MDGA2: variants seen among roughly 807,000 people sequenced by gnomAD.
MDGA2 encodes MAM domain containing glycosylphosphatidylinositol anchor 2.
Under a neutral mutation model 117.8 loss-of-function variants are expected in MDGA2, and 40 were observed. The ratio of observed to expected loss-of-function variants is 0.34; its 90% CI spans 0.26 to 0.44. The LOEUF (loss-of-function observed/expected upper bound fraction) is 0.44, where lower values mean the gene tolerates loss of function less well. MDGA2 is among the 20% of genes least tolerant of loss of function. MDGA2 has a pLI of 1.00. For missense variants in MDGA2, 1,123 were observed against 1,250.6 expected (o/e 0.90, Z 1.54); for synonymous variants, 452 against 439.0 (o/e 1.03, Z -0.37).
chr14:47,211,500 C>G (rs917629115), intron 3 of MDGA2, among the ~76,000 whole-genome samples: 2 of 152,124 alleles, frequency 1.3e-5, no homozygotes, highest in East Asian at 3.8e-4. Flanking sequence ...GTTTTTGACA[C>G]AGCTAAGAGA....
chr14:47,483,024 A>G (rs1893985596), intron 1 of MDGA2, among the ~76,000 whole-genome samples: 1 of 152,102 alleles, frequency 6.6e-6, no homozygotes, highest in African/African-American at 2.4e-5. Flanking sequence ...ACCACAGTGA[A>G]AACATTTTAC....
At chr14:47,331,584 CCT>C (rs1890294310) in intron 1 of MDGA2, among the ~76,000 whole-genome samples, 1 of 151,900 alleles carries the variant, frequency 6.6e-6, no homozygotes, top group Non-Finnish European at 1.5e-5. Flanking sequence ...AGACATATTT[CCT>C]CTCTTTTTCT....
At chr14:47,608,259 T>C (rs541479679) in intron 1 of MDGA2, among the ~76,000 whole-genome samples, 2 of 152,276 alleles carry the variant, frequency 1.3e-5, no homozygotes, top group African/African-American at 4.8e-5. Context: ...CATCTTTTAT[T>C]AAGACTTTTC....
At chr14:47,053,944 A>C (rs1352642884) in intron 7 of MDGA2, among the ~76,000 whole-genome samples, 2 of 151,920 alleles carry the variant, frequency 1.3e-5, no homozygotes, top group African/African-American at 4.8e-5. Context: ...TTTGAGGCCC[A>C]GTCAGACCAA....
chr14:47,121,160 A>G (rs1594643812), intron 5 of MDGA2, among the ~76,000 whole-genome samples: 2 of 152,138 alleles, frequency 1.3e-5, no homozygotes, highest in Non-Finnish European at 2.9e-5. Context: ...GATGTATCCT[A>G]TAAGCGTTCT....
At chr14:47,658,181 C>A (rs1245218703) in intron 1 of MDGA2, among the ~76,000 whole-genome samples, 1 of 152,110 alleles carries the variant, frequency 6.6e-6, no homozygotes, top group Non-Finnish European at 1.5e-5. Flanking sequence ...ACTTTTCAGG[C>A]AGGGATAATA....
chr14:47,393,327 C>A (rs1288488444), intron 1 of MDGA2, among the ~76,000 whole-genome samples: 4 of 151,474 alleles, frequency 2.6e-5, no homozygotes, highest in Non-Finnish European at 5.9e-5. Context: ...AAACCAGAAT[C>A]CCTATTTATT....
At chr14:47,013,901 T>C (rs1887991374) in intron 8 of MDGA2, among the ~76,000 whole-genome samples, 1 of 150,428 alleles carries the variant, frequency 6.6e-6, no homozygotes, top group Non-Finnish European at 1.5e-5. Context: ...GTTCAAGTCA[T>C]TGTCCTGCCT....
intron 2 of MDGA2, among the ~76,000 whole-genome samples, chr14:47,262,430 C>A (rs1887826772): frequency 2.0e-5 from 3 of 152,032 alleles, no homozygotes; most frequent in Admixed American, 1.3e-4. Context: ...GTGTTTAAAG[C>A]CCTTAGATCA....
intron 1 of MDGA2, among the ~76,000 whole-genome samples, chr14:47,631,439 T>G (rs1897247771): frequency 6.6e-6 from 1 of 152,210 alleles, no homozygotes; most frequent in Admixed American, 6.5e-5. Context: ...TTCTCTTATT[T>G]TTTAAAACAA....
intron 7 of MDGA2, among the ~76,000 whole-genome samples, chr14:47,045,834 G>A (rs1194586615): frequency 5.3e-5 from 8 of 151,876 alleles, no homozygotes; most frequent in African/African-American, 1.5e-4. Context: ...GCGTGGTGGC[G>A]GGCGCCTGTA....
chr14:47,669,836 C>T (rs538994269), intron 1 of MDGA2, among the ~76,000 whole-genome samples: 37 of 152,200 alleles, frequency 2.4e-4, no homozygotes, highest in African/African-American at 7.5e-4. Context: ...TCTCATCACA[C>T]GGCCTCTCCA....
intron 3 of MDGA2, chr14:47,200,497 C>G: frequency 1.8e-6 from 1 of 566,850 alleles, no homozygotes; most frequent in African/African-American, 2.0e-5. Context: ...AACCACTTCC[C>G]TTTTTCTATT....
intron 3 of MDGA2, among the ~76,000 whole-genome samples, chr14:47,212,873 T>A (rs1322624689): frequency 6.6e-6 from 1 of 152,146 alleles, no homozygotes; most frequent in Non-Finnish European, 1.5e-5. Context: ...TATTAAGATT[T>A]CCATGAGAAT....
At chr14:47,635,265 T>G (rs565722536) in intron 1 of MDGA2, among the ~76,000 whole-genome samples, 1 of 152,096 alleles carries the variant, frequency 6.6e-6, no homozygotes, top group East Asian at 1.9e-4. Context: ...GTTTTGACCT[T>G]AAGCAGGTCA....
rs1884070073 is a variant in MDGA2, at chr14:46,920,155, C to T, written c.2095G>A (p.Ala699Thr). 4 of 1,605,970 alleles carry T rather than the reference C, an allele frequency of 2.5e-6. No homozygotes were observed. The highest frequency in any genetic ancestry group is 4.5e-5 in the East Asian group (2 of 44,592). The change falls in exon 10 of 17, where the codon GCC becomes ACC. Residue 699 changes from alanine to threonine, a missense_variant. Transcript: ENST00000399232. ...GRCSFLVTGK[A>T]YAPEFYYDTY... ...TCATAATAGAATTCTGGAGCATAGGCCTTTCCTGAAAACAGAAAGTGTGCT... is the reference window on the plus strand; with the variant it reads ...TCATAATAGAATTCTGGAGCATAGGTCTTTCCTGAAAACAGAAAGTGTGCT...
intron 8 of MDGA2, among the ~76,000 whole-genome samples, chr14:47,019,975 T>A (rs1339627101): frequency 6.6e-6 from 1 of 152,184 alleles, no homozygotes; most frequent in Non-Finnish European, 1.5e-5. Context: ...TGTATTAGGT[T>A]CAGCGTAATT....
intron 1 of MDGA2, among the ~76,000 whole-genome samples, chr14:47,639,044 T>C (rs1897373627): frequency 6.6e-6 from 1 of 152,178 alleles, no homozygotes; most frequent in Non-Finnish European, 1.5e-5. Context: ...AATTTAGGTC[T>C]TTGATGAAAT....
At chr14:46,981,150 T>A (rs1357481370) in intron 8 of MDGA2, among the ~76,000 whole-genome samples, 1 of 133,848 alleles carries the variant, frequency 7.5e-6, no homozygotes, top group Non-Finnish European at 1.6e-5. Flanking sequence ...ATGCCTGTAA[T>A]CCCAGCACTT....
Sources: gnomAD v4.1 joint callset for allele counts (sites outside exome capture counted in the v4.1 genomes callset) on GRCh38, gnomAD v4.1.1 for gene constraint, MANE v1.5 for transcripts, NCBI Gene and HGNC (gene_info 2026-07-23, HGNC 2026-07-21) for gene names.